Variants in LRP1B observed in about 807,000 individuals in gnomAD.
LRP1B encodes LDL receptor related protein 1B, also known as low-density lipoprotein receptor-related protein 1B.
A neutral mutation model predicts 556.6 loss-of-function variants in LRP1B; 217 were observed. That is an observed-to-expected ratio of 0.39 (90% CI 0.35 to 0.44). The LOEUF is 0.44. Among genes scored for constraint, LRP1B ranks in the 20% least tolerant of loss-of-function variants. LRP1B has a pLI of 1.00. For synonymous variants in LRP1B, 2,047 were observed against 1,865.8 expected, an observed-to-expected ratio of 1.10 and a Z score of -2.50; for missense variants, 5,053 against 5,620.8, an observed-to-expected ratio of 0.90 and a Z score of 3.23.
At chr2:140,542,327 C>T (rs1480003675) in intron 43 of LRP1B, among the ~76,000 whole-genome samples, 3 of 151,866 alleles carry the variant, frequency 2.0e-5, no homozygotes, top group African/African-American at 7.3e-5. Flanking sequence ...AAGAAATCAC[C>T]AGATATATGT....
intron 5 of LRP1B, among the ~76,000 whole-genome samples, chr2:141,243,074 T>C (rs1297474705): frequency 1.3e-5 from 2 of 152,076 alleles, no homozygotes; most frequent in African/African-American, 4.8e-5. Flanking sequence ...AAAAAATATA[T>C]CAAAATGTGC....
chr2:140,629,081 TCTCA>T (rs1449778021), intron 41 of LRP1B, among the ~76,000 whole-genome samples: 1 of 151,902 alleles, frequency 6.6e-6, no homozygotes, highest in Non-Finnish European at 1.5e-5. Flanking sequence ...TGAGATGAGG[TCTCA>T]CTCTGTCACC....
intron 3 of LRP1B, among the ~76,000 whole-genome samples, chr2:141,292,604 T>A (rs1323537258): frequency 2.0e-5 from 3 of 152,148 alleles, no homozygotes; most frequent in Non-Finnish European, 4.4e-5. Flanking sequence ...GGTAGGTACC[T>A]CTAATATGAT....
At chr2:140,711,380 TG>T (rs1210266756) in intron 37 of LRP1B, among the ~76,000 whole-genome samples, 1 of 151,972 alleles carries the variant, frequency 6.6e-6, no homozygotes, top group Non-Finnish European at 1.5e-5. Flanking sequence ...AGAGCTGTGT[TG>T]GTCACTCATA....
intron 34 of LRP1B, 22 bp downstream of exon 34, chr2:140,770,857 GTA>G (rs769554193): frequency 6.6e-7 from 1 of 1,524,548 alleles, no homozygotes; most frequent in South Asian, 1.3e-5. Flanking sequence ...TGAACCAGAG[GTA>G]AGGTTTTTCA....
chr2:141,226,239 C>A (rs932133559), intron 6 of LRP1B, among the ~76,000 whole-genome samples: 1 of 151,822 alleles, frequency 6.6e-6, no homozygotes, highest in Non-Finnish European at 1.5e-5. Context: ...AAGAAAAAAA[C>A]AGGGCTTAGA....
rs188963287 is a variant in LRP1B, at chr2:140,980,302, A to G, written c.2887+1858T>C. Among the ~76,000 whole-genome samples the G allele has an allele frequency of 2.3e-3, 351 of 152,256 alleles. 2 individuals are homozygous for G. Among genetic ancestry groups the G allele is most frequent in the African/African-American group, 8.2e-3 (340 of 41,550 alleles). The stretch of plus-strand genomic sequence containing the variant: ...CTGAATGAGTATGCTCACTGTGGAA[A>G]GGAATCAAGTTCTCTAAAATACAGA... On this transcript the variant is annotated intron_variant, in intron 18 of 90. Transcript: ENST00000389484.
At position 141,614,080 on chromosome 2, in the gene LRP1B, C is replaced by CAGAAAAAAAAAAAA. The variant is rs1553543025; in HGVS notation, c.206-133548_206-133547insTTTTTTTTTTTTCT. Among the ~76,000 whole-genome samples the CAGAAAAAAAAAAAA allele has an allele frequency of 1.8e-3, 86 of 47,354 alleles. 5 individuals are homozygous for CAGAAAAAAAAAAAA. The South Asian group carries it at 0.031, about 17-fold the overall frequency. The allele number at this position is 47,354 out of a possible 152,430, so 31.1% of individuals were successfully genotyped here. A position where few individuals can be genotyped will look rare whatever the true frequency, so the allele number is the denominator to read the frequency against. ...GGGCGATAAGAGCAAAACTCAGCCT[C>CAGAAAAAAAAAAAA]AAAAAAAAAAAAAAAAAAAAAGAAA... On this transcript the variant is annotated intron_variant, in intron 2 of 90. Coordinates refer to ENST00000389484, the MANE Select transcript of LRP1B (RefSeq NM_018557.3).
intron 1 of LRP1B, among the ~76,000 whole-genome samples, chr2:142,008,708 C>T (rs957433322): frequency 6.6e-6 from 1 of 151,834 alleles, no homozygotes; most frequent in Non-Finnish European, 1.5e-5. Flanking sequence ...TTTCCGAGTC[C>T]TCTCAAAGGT....
intron 63 of LRP1B, among the ~76,000 whole-genome samples, chr2:140,449,856 G>A (rs189214030): frequency 1.3e-5 from 2 of 152,260 alleles, no homozygotes; most frequent in East Asian, 3.9e-4. Context: ...GGGAATTATC[G>A]TGATTGACTA....
chr2:140,963,741 AAGGTCAGGAGTTCAAGACC>A (rs1696109445), intron 18 of LRP1B, among the ~76,000 whole-genome samples: 1 of 152,040 alleles, frequency 6.6e-6, no homozygotes, highest in African/African-American at 2.4e-5. Context: ...CAGATCCCGT[AAGGTCAGGAGTTCAAGACC>A]AGTCTGGCCA....
chr2:141,215,620 G>A (rs1270314027), intron 6 of LRP1B, among the ~76,000 whole-genome samples: 1 of 152,186 alleles, frequency 6.6e-6, no homozygotes, highest in African/African-American at 2.4e-5. Context: ...AGATTTAAAT[G>A]AACTTATTGG....
intron 1 of LRP1B, among the ~76,000 whole-genome samples, chr2:142,053,784 G>T (rs1704557822): frequency 6.6e-6 from 1 of 152,160 alleles, no homozygotes; most frequent in Non-Finnish European, 1.5e-5. Context: ...TATGTGAGCT[G>T]CTGGATATAC....
intron 3 of LRP1B, among the ~76,000 whole-genome samples, chr2:141,438,313 T>C (rs1017457793): frequency 6.6e-6 from 1 of 152,014 alleles, no homozygotes; most frequent in African/African-American, 2.4e-5. Flanking sequence ...TGTGTGTGTT[T>C]GAAACACAAT....
At chr2:141,631,941 T>C (rs189316559) in intron 2 of LRP1B, among the ~76,000 whole-genome samples, 1 of 152,224 alleles carries the variant, frequency 6.6e-6, no homozygotes, top group East Asian at 1.9e-4. Flanking sequence ...AGGGTTTCAG[T>C]CTGTAACCCA....
rs749243132 is a variant in LRP1B at position 140,503,059 on chromosome 2, G to T, written c.8566C>A (p.Arg2856=). ...TGCCATTGAGTATTTAGAAGACACCGCCCATCAGCACAACTAAATTCTTCT... is the reference window on the plus strand; with the variant it reads ...TGCCATTGAGTATTTAGAAGACACCTCCCATCAGCACAACTAAATTCTTCT... The part of the protein sequence containing the change: ...GTEEFSCADG[R]CLLNTQWQCD... Residue 2856 remains arginine, a synonymous_variant, in exon 54 of 91, where the codon CGG becomes AGG. Transcript: ENST00000389484. 16 of 1,613,010 alleles carry T rather than the reference G, an allele frequency of 9.9e-6. No homozygotes were observed. Among genetic ancestry groups the T allele is most frequent in the Non-Finnish European group, 1.4e-5 (16 of 1,179,292 alleles).
intron 43 of LRP1B, among the ~76,000 whole-genome samples, chr2:140,563,144 T>A (rs748195334): frequency 6.6e-6 from 1 of 151,608 alleles, no homozygotes; most frequent in Non-Finnish European, 1.5e-5. Flanking sequence ...AATCCATGAA[T>A]CCATGATAAG....
chr2:141,631,092 A>C (rs1688890327), intron 2 of LRP1B, among the ~76,000 whole-genome samples: 1 of 152,182 alleles, frequency 6.6e-6, no homozygotes, highest in Non-Finnish European at 1.5e-5. Flanking sequence ...GGGAGGCCTC[A>C]GGAAACTTAC....
chr2:140,463,106 G>C (rs941441357), intron 60 of LRP1B, among the ~76,000 whole-genome samples: 3 of 152,166 alleles, frequency 2.0e-5, no homozygotes, highest in African/African-American at 7.2e-5. Context: ...TGGTAAACAG[G>C]ATAATATTAG....
Sources: gnomAD v4.1 joint callset for allele counts (sites outside exome capture counted in the v4.1 genomes callset) on GRCh38, gnomAD v4.1.1 for gene constraint, MANE v1.5 for transcripts, NCBI Gene and HGNC (gene_info 2026-07-23, HGNC 2026-07-21) for gene names.